OTUD7A: variants seen among roughly 807,000 people sequenced by gnomAD.
The protein encoded by OTUD7A is OTU domain-containing protein 7A.
Under a neutral mutation model 65.7 loss-of-function variants are expected in OTUD7A, and 12 were observed. That is an observed-to-expected ratio of 0.18 (90% CI 0.12 to 0.30). OTUD7A has a LOEUF of 0.30. OTUD7A is among the 10% of genes least tolerant of loss of function. The probability of loss-of-function intolerance (pLI) is 1.00; values close to 1 mark genes in which losing one functional copy is unlikely to be tolerated. For missense variants in OTUD7A, 1,148 were observed against 1,304.8 expected (o/e 0.88, Z 1.85); for synonymous variants, 641 against 586.3 (o/e 1.09, Z -1.35).
intron 1 of OTUD7A, among the ~76,000 whole-genome samples, chr15:31,714,332 C>A (rs1408315809): frequency 6.6e-6 from 1 of 152,112 alleles, no homozygotes; most frequent in African/African-American, 2.4e-5. Flanking sequence ...GTACACACAG[C>A]AAACATTATT....
chr15:31,501,991 G>C lies in OTUD7A; in HGVS notation c.1022-152C>G. The C allele has an allele frequency of 5.8e-6, 5 of 867,738 alleles. No homozygotes were observed. In the South Asian group the frequency reaches 8.9e-5, roughly 15 times the overall value. The allele number at this position is 867,738 out of a possible 1,614,324, so 53.8% of individuals were successfully genotyped here. On this transcript the variant is annotated intron_variant, in intron 9 of 12. Transcript: ENST00000307050. ...GGATGGAGGCGGTGCTGAGGGATGGGGCTGAGGGTTTCCAGAGTCATCTGT... is the reference window on the plus strand; with the variant it reads ...GGATGGAGGCGGTGCTGAGGGATGGCGCTGAGGGTTTCCAGAGTCATCTGT...
chr15:31,854,067 T>A (rs1897498866), intron 1 of OTUD7A, among the ~76,000 whole-genome samples: 1 of 152,262 alleles, frequency 6.6e-6, no homozygotes, highest in African/African-American at 2.4e-5. Flanking sequence ...TATAAATTTA[T>A]TTTCTTATAG....
chr15:31,749,201 G>A (rs994699948), intron 1 of OTUD7A, among the ~76,000 whole-genome samples: 2 of 152,080 alleles, frequency 1.3e-5, no homozygotes, highest in African/African-American at 4.8e-5. Context: ...ACGAGTTAAT[G>A]GGTGCAGCAC....
At chr15:31,800,415 T>C (rs1157238282) in intron 1 of OTUD7A, among the ~76,000 whole-genome samples, 12 of 152,178 alleles carry the variant, frequency 7.9e-5, no homozygotes, top group Non-Finnish European at 1.5e-5. Context: ...ACCACCCCCA[T>C]GCACTCTGCC....
chr15:31,795,164 G>A (rs781088999), intron 1 of OTUD7A, among the ~76,000 whole-genome samples: 7 of 152,196 alleles, frequency 4.6e-5, no homozygotes, highest in Non-Finnish European at 1.0e-4. Flanking sequence ...AAAGGTTACT[G>A]GGTTACAGAC....
chr15:31,649,456 T>A (rs1252187521), intron 3 of OTUD7A, among the ~76,000 whole-genome samples: 1 of 152,194 alleles, frequency 6.6e-6, no homozygotes, highest in East Asian at 1.9e-4. Flanking sequence ...ATGAGGACCA[T>A]GTACCTTCCG....
At chr15:31,653,152 G>A (rs1891888897) in intron 3 of OTUD7A, among the ~76,000 whole-genome samples, 2 of 152,062 alleles carry the variant, frequency 1.3e-5, no homozygotes, top group East Asian at 3.9e-4. Context: ...AGGAGGCTGA[G>A]GCAGGAAAAT....
At chr15:31,831,841 A>G (rs995134293) in intron 1 of OTUD7A, among the ~76,000 whole-genome samples, 2 of 152,266 alleles carry the variant, frequency 1.3e-5, no homozygotes, top group Admixed American at 1.3e-4. Context: ...AGCGGCACAG[A>G]TGGATCACAG....
At chr15:31,508,940 T>C (rs1047778526) in intron 8 of OTUD7A, among the ~76,000 whole-genome samples, 17 of 152,242 alleles carry the variant, frequency 1.1e-4, no homozygotes, top group African/African-American at 3.9e-4. Flanking sequence ...TTGTGACTTA[T>C]TCGGCCGCCC....
intron 10 of OTUD7A, among the ~76,000 whole-genome samples, chr15:31,491,624 T>C (rs1249754041): frequency 2.0e-5 from 3 of 152,166 alleles, no homozygotes; most frequent in African/African-American, 4.8e-5. Context: ...TCAAAATTAA[T>C]GACAACCATC....
intron 3 of OTUD7A, among the ~76,000 whole-genome samples, chr15:31,650,993 TAGTC>T (rs1891817872): frequency 1.3e-5 from 2 of 148,380 alleles, no homozygotes; most frequent in South Asian, 2.1e-4. Flanking sequence ...ATGGAGGAAG[TAGTC>T]AGTCAGTTCA....
Position 31,501,757 on chromosome 15 carries a change from C to G in OTUD7A, c.1104G>C (p.Leu368=). ...CAGAGAAATGGGCTTGATCATAGGC[C>G]AGAACCAGAGGCGAGCAGTGGCATC... The part of the protein sequence containing the change: ...PNRCHCSPLV[L]AYDQAHFSAL... Residue 368 remains leucine (L), a synonymous_variant, in exon 10 of 13, where the codon CTG becomes CTC. Coordinates refer to ENST00000307050, the MANE Select transcript of OTUD7A (RefSeq NM_001382637.1). The G allele has an allele frequency of 6.2e-7, 1 of 1,614,180 alleles. No individual in the cohort carries two copies.
intron 3 of OTUD7A, among the ~76,000 whole-genome samples, chr15:31,624,811 T>C (rs968101195): frequency 6.6e-6 from 1 of 152,170 alleles, no homozygotes; most frequent in Non-Finnish European, 1.5e-5. Flanking sequence ...CAGAAACACA[T>C]GGGCTCCATG....
At chr15:31,776,414 G>A (rs1250405108) in intron 1 of OTUD7A, among the ~76,000 whole-genome samples, 1 of 152,156 alleles carries the variant, frequency 6.6e-6, no homozygotes, top group Non-Finnish European at 1.5e-5. Context: ...GGGAGAGTGG[G>A]AGCAAGGCAC....
In OTUD7A at chr15:31,508,380, G is replaced by A. The variant is rs1279945118; in HGVS notation, c.894-4562C>T. 4.3e-5 allele frequency among the ~76,000 whole-genome samples: 6 copies of A among 138,598 alleles called. No individual in the cohort carries two copies. The East Asian group carries it at 1.3e-3, about 30-fold the overall frequency. The allele number at this position is 138,598 out of a possible 152,430, so 90.9% of individuals were successfully genotyped here. A position where few individuals can be genotyped will look rare whatever the true frequency, so the allele number is the denominator to read the frequency against. ...TTGTTTTGTTTTGAGACGGAGTCTT[G>A]CTCTGTCACCCAGGCTGGAGTGCAG... On this transcript the variant is annotated intron_variant, in intron 8 of 12. Transcript: ENST00000307050.
At chr15:31,678,862 A>G (rs925923246) in intron 1 of OTUD7A, among the ~76,000 whole-genome samples, 1 of 152,206 alleles carries the variant, frequency 6.6e-6, no homozygotes, top group African/African-American at 2.4e-5. Flanking sequence ...GAGAGCCACT[A>G]TTCTCCAGAT....
At chr15:31,865,531 C>G (rs1897855310) in intron 1 of OTUD7A, among the ~76,000 whole-genome samples, 1 of 152,232 alleles carries the variant, frequency 6.6e-6, no homozygotes, top group African/African-American at 2.4e-5. Context: ...ACTCGGAGAA[C>G]TTAATTCATA....
chr15:31,720,171 C>A (rs1893695023), intron 1 of OTUD7A, among the ~76,000 whole-genome samples: 1 of 150,204 alleles, frequency 6.7e-6, no homozygotes, highest in African/African-American at 2.4e-5. Context: ...TTTAAAATTG[C>A]TCACAAGACT....
At chr15:31,655,844 T>C (rs1473923849) in intron 2 of OTUD7A, among the ~76,000 whole-genome samples, 2 of 152,238 alleles carry the variant, frequency 1.3e-5, no homozygotes, top group Non-Finnish European at 1.5e-5. Context: ...AAAATTCAGT[T>C]GGAGTTGCTA....
Sources: allele counts gnomAD v4.1 joint callset (sites outside exome capture counted in the v4.1 genomes callset), GRCh38; gene constraint gnomAD v4.1.1; transcripts MANE v1.5; gene names NCBI Gene and HGNC (gene_info 2026-07-23, HGNC 2026-07-21).